Variants in RIN2 observed in about 807,000 individuals in gnomAD.
RIN2 encodes the protein RAB5 interacting protein 2.
A neutral mutation model predicts 78.0 loss-of-function variants in RIN2; 36 were observed. The ratio of observed to expected loss-of-function variants is 0.46; its 90% CI spans 0.35 to 0.61. The LOEUF is 0.61. RIN2 is among the 20% of genes least tolerant of loss of function. RIN2 has a pLI of 0.00. For synonymous variants in RIN2, 466 were observed against 466.8 expected (o/e 1.00, Z 0.02); for missense variants, 1,087 against 1,159.7 (o/e 0.94, Z 0.91).
chr20:19,864,689 A>G (rs565442020), intron 2 of RIN2, among the ~76,000 whole-genome samples: 1 of 152,202 alleles, frequency 6.6e-6, no homozygotes, highest in Non-Finnish European at 1.5e-5. Context: ...TCAAAGCAGG[A>G]TGGGTACAAG....
At chr20:19,826,933 TTGGTGGTGG>T in intron 2 of RIN2, among the ~76,000 whole-genome samples, 1 of 151,028 alleles carries the variant, frequency 6.6e-6, no homozygotes, top group South Asian at 2.1e-4. Context: ...TTTGTTATTG[TTGGTGGTGG>T]TGGTGGTGGT....
At chr20:19,840,647 G>A (rs2036551153) in intron 2 of RIN2, among the ~76,000 whole-genome samples, 1 of 152,132 alleles carries the variant, frequency 6.6e-6, no homozygotes, top group Admixed American at 6.5e-5. Flanking sequence ...ATGCCCTTAC[G>A]TTCAGTCACG....
At chr20:19,907,527 C>T (rs1218015880) in intron 3 of RIN2, among the ~76,000 whole-genome samples, 1 of 152,212 alleles carries the variant, frequency 6.6e-6, no homozygotes, top group African/African-American at 2.4e-5. Context: ...TTCCACCCAT[C>T]ACCAGAAGCT....
intron 12 of RIN2, among the ~76,000 whole-genome samples, chr20:19,999,165 C>T (rs111439203): frequency 4.8e-4 from 73 of 152,166 alleles, no homozygotes; most frequent in African/African-American, 1.7e-3. Context: ...GTGGTAAAGG[C>T]GGTGGGGCTG....
intron 1 of RIN2, among the ~76,000 whole-genome samples, chr20:19,782,276 A>T (rs550547505): frequency 1.2e-4 from 18 of 152,170 alleles, no homozygotes; most frequent in Non-Finnish European, 2.5e-4. Context: ...ACGTATTTTA[A>T]AATGTTAGCC....
chr20:19,896,398 C>G (rs920503813), intron 3 of RIN2, among the ~76,000 whole-genome samples: 6 of 152,202 alleles, frequency 3.9e-5, no homozygotes, highest in Admixed American at 6.5e-5. Context: ...CCACGTTGGC[C>G]AGGCTGGCCT....
chr20:19,993,253 G>C (rs527817582), intron 11 of RIN2, among the ~76,000 whole-genome samples: 14 of 151,242 alleles, frequency 9.3e-5, no homozygotes, highest in Non-Finnish European at 1.5e-4. Context: ...GACAAGCCCT[G>C]GGGGGGATTG....
chr20:19,953,684 C>T (rs2041418342), intron 4 of RIN2, among the ~76,000 whole-genome samples: 2 of 152,014 alleles, frequency 1.3e-5, no homozygotes, highest in African/African-American at 4.8e-5. Context: ...AGATGATCTG[C>T]CTCCCAAAGT....
At chr20:19,874,086 T>TGTGTGTGTG (rs55827998) in intron 2 of RIN2, among the ~76,000 whole-genome samples, 6 of 145,672 alleles carry the variant, frequency 4.1e-5, no homozygotes, top group East Asian at 2.0e-4. Context: ...GTGTGTGTGT[T>TGTGTGTGTG]TGTGTGTGTT....
intron 3 of RIN2, among the ~76,000 whole-genome samples, chr20:19,905,559 T>C (rs1472869452): frequency 1.3e-5 from 2 of 152,154 alleles, no homozygotes; most frequent in South Asian, 2.1e-4. Flanking sequence ...CCCATCTCTA[T>C]TTATAAAGAT....
intron 1 of RIN2, among the ~76,000 whole-genome samples, chr20:19,773,570 G>T (rs977612406): frequency 4.6e-5 from 7 of 152,096 alleles, no homozygotes; most frequent in Non-Finnish European, 8.8e-5. Context: ...GGAGCTGAAG[G>T]CTTAAAGAAA....
At chr20:19,993,380 G>T (rs1044756297) in intron 11 of RIN2, among the ~76,000 whole-genome samples, 3 of 151,928 alleles carry the variant, frequency 2.0e-5, no homozygotes, top group African/African-American at 4.8e-5. Flanking sequence ...TGGAGGGAAT[G>T]AAATGCATTT....
Position 19,973,618 on chromosome 20 carries a change from G to A in RIN2, c.629-1036G>A, listed in dbSNP as rs970347625. Among the ~76,000 whole-genome samples, 8 of 152,038 alleles carry A rather than the reference G, an allele frequency of 5.3e-5. No individual in the cohort carries two copies. The East Asian group carries it at 5.8e-4, about 11-fold the overall frequency. On this transcript the variant is annotated intron_variant, in intron 8 of 12. Transcript: ENST00000255006. ...AGCCTGGTAAACATGGTGAAACCCC[G>A]TCTCTCCTAAAAATACCAAAATTAG...
chr20:19,930,461 T>A (rs2040398473), intron 3 of RIN2, among the ~76,000 whole-genome samples: 1 of 152,188 alleles, frequency 6.6e-6, no homozygotes, highest in Non-Finnish European at 1.5e-5. Context: ...CTGAAGGGAA[T>A]CAACTGATGC....
chr20:19,816,470 A>G (rs1302771188), intron 2 of RIN2, among the ~76,000 whole-genome samples: 1 of 152,214 alleles, frequency 6.6e-6, no homozygotes, highest in East Asian at 1.9e-4. Flanking sequence ...AGCAGGGACA[A>G]ATGGTTAACC....
chr20:19,915,225 C>T (rs1313392142), intron 3 of RIN2, among the ~76,000 whole-genome samples: 3 of 152,134 alleles, frequency 2.0e-5, no homozygotes, highest in Admixed American at 6.6e-5. Context: ...GGGAGTGAGA[C>T]AGGAAGGGGA....
At chr20:19,827,843 T>C (rs532901232) in intron 2 of RIN2, among the ~76,000 whole-genome samples, 3 of 150,644 alleles carry the variant, frequency 2.0e-5, no homozygotes, top group African/African-American at 7.3e-5. Flanking sequence ...GTCAACCACA[T>C]TGTGTTCCAA....
chr20:19,780,136 G>A (rs1600435046), intron 1 of RIN2, among the ~76,000 whole-genome samples: 1 of 152,318 alleles, frequency 6.6e-6, no homozygotes, highest in Non-Finnish European at 1.5e-5. Context: ...AGTGTAATGT[G>A]ATTCAGAGCA....
intron 2 of RIN2, chr20:19,823,520 T>C (rs567402246): frequency 4.6e-6 from 5 of 1,087,262 alleles, no homozygotes; most frequent in Non-Finnish European, 7.0e-6. Flanking sequence ...CCATCAACAT[T>C]ACAGCCCACA....
Sources: allele counts gnomAD v4.1 joint callset (sites outside exome capture counted in the v4.1 genomes callset), GRCh38; gene constraint gnomAD v4.1.1; transcripts MANE v1.5; gene names NCBI Gene and HGNC (gene_info 2026-07-23, HGNC 2026-07-21).